NEMP2: variants seen among roughly 807,000 people sequenced by gnomAD.
NEMP2 encodes UPF0571 transmembrane protein.
A neutral mutation model predicts 54.2 loss-of-function variants in NEMP2; 53 were observed. The observed-to-expected ratio is 0.98, with a 90% CI of 0.78 to 1.23. NEMP2 has a LOEUF of 1.23. Among genes scored for constraint, NEMP2 ranks in the 50% most tolerant of loss-of-function variants. NEMP2 has a pLI of 0.00. For synonymous variants in NEMP2, 197 were observed against 190.3 expected (o/e 1.04, Z -0.29); for missense variants, 455 against 511.3 (o/e 0.89, Z 1.06).
At chr2:190,617,416 A>G in the NEMP2 span, among the ~76,000 whole-genome samples, 1 of 152,154 alleles carries the variant, frequency 6.6e-6, no homozygotes, top group East Asian at 1.9e-4. The surrounding 1 kb of genome is among the most constrained non-coding windows in gnomAD (Gnocchi z 5.0). Flanking sequence ...TGGATTTTAT[A>G]TTCTTCCTTT....
chr2:190,503,415 T>C (rs1231373231), downstream of NEMP2, among the ~76,000 whole-genome samples: 1 of 152,242 alleles, frequency 6.6e-6, no homozygotes, highest in East Asian at 1.9e-4. This position sits in a 1 kb window ranked among gnomAD's most constrained non-coding sequence, Gnocchi z 6.3. Flanking sequence ...TGGCTAATTT[T>C]CTGGGGAATT....
At chr2:190,498,934 G>A in the NEMP2 span, among the ~76,000 whole-genome samples, 1 of 152,038 alleles carries the variant, frequency 6.6e-6, no homozygotes, top group East Asian at 1.9e-4. This position sits in a 1 kb window ranked among gnomAD's most constrained non-coding sequence, Gnocchi z 5.9. Flanking sequence ...TGGATCACGA[G>A]GTCAGGAGTT....
In NEMP2 at chr2:190,531,048, T is replaced by C. The variant is rs1285229700; in HGVS notation, c.97+3511A>G. On this transcript the variant is annotated intron_variant, in intron 1 of 8. Transcript: ENST00000409150. This position sits in a 1 kb window ranked among gnomAD's most constrained non-coding sequence, Gnocchi z 4.7. ...ATCATAATTCAGTCTCAAAAATAAA[T>C]AAACATTTAAAAATTAGAACAAAAA... Among the ~76,000 whole-genome samples the C allele has an allele frequency of 6.6e-6, 1 of 152,162 alleles. No individual in the cohort carries two copies. Among genetic ancestry groups the C allele is most frequent in the Non-Finnish European group, 1.5e-5 (1 of 67,982 alleles).
chr2:190,475,867 T>C, the NEMP2 span, among the ~76,000 whole-genome samples: 1 of 151,986 alleles, frequency 6.6e-6, no homozygotes, highest in Non-Finnish European at 1.5e-5. Flanking sequence ...AACAGAGATA[T>C]AGACCAATGG....
the NEMP2 span, among the ~76,000 whole-genome samples, chr2:190,466,903 G>T: frequency 1.4e-4 from 22 of 152,186 alleles, no homozygotes; most frequent in African/African-American, 5.1e-4. Flanking sequence ...TCACTCCAGT[G>T]ACTGAATTCC....
chr2:190,618,581 CT>C, the NEMP2 span, among the ~76,000 whole-genome samples: 5 of 152,096 alleles, frequency 3.3e-5, no homozygotes, highest in African/African-American at 9.6e-5. Context: ...CATTATCTAC[CT>C]TTTTTTATTT....
At chr2:190,488,624 C>G in the NEMP2 span, 1 of 1,417,128 alleles carries the variant, frequency 7.1e-7, no homozygotes, top group Non-Finnish European at 9.3e-7. This position sits in a 1 kb window ranked among gnomAD's most constrained non-coding sequence, Gnocchi z 6.4. Flanking sequence ...AAATGCTAAC[C>G]AACTAATCCC....
At chr2:190,538,755 C>T (rs1691456773), upstream of NEMP2, among the ~76,000 whole-genome samples, 1 of 151,762 alleles carries the variant, frequency 6.6e-6, no homozygotes, top group East Asian at 1.9e-4. The surrounding 1 kb of genome is among the most constrained non-coding windows in gnomAD (Gnocchi z 4.1). Context: ...ATTTGTATGT[C>T]TTCTTTTGAG....
At chr2:190,480,588 C>T in the NEMP2 span, among the ~76,000 whole-genome samples, 8 of 152,240 alleles carry the variant, frequency 5.3e-5, no homozygotes, top group Non-Finnish European at 1.0e-4. Context: ...CCTCACCTCA[C>T]TCTATAAGTT....
chr2:190,641,195 T>C, the NEMP2 span: 2 of 152,224 alleles, frequency 1.3e-5, no homozygotes, highest in African/African-American at 4.8e-5. Context: ...AATAGTTATA[T>C]CTACTTTAGT....
At chr2:190,553,049 CTT>C in the NEMP2 span, among the ~76,000 whole-genome samples, 38 of 143,122 alleles carry the variant, frequency 2.7e-4, no homozygotes, top group East Asian at 2.6e-3. Context: ...ATAACAATTT[CTT>C]TTTTTTTTTT....
At chr2:190,562,096 G>T in the NEMP2 span, among the ~76,000 whole-genome samples, 14 of 152,164 alleles carry the variant, frequency 9.2e-5, no homozygotes, top group African/African-American at 3.1e-4. This position sits in a 1 kb window ranked among gnomAD's most constrained non-coding sequence, Gnocchi z 5.0. Context: ...TTTGATTTAG[G>T]ATGACCTGGA....
At chr2:190,457,801 C>T in the NEMP2 span, among the ~76,000 whole-genome samples, 6 of 152,212 alleles carry the variant, frequency 3.9e-5, no homozygotes, top group Non-Finnish European at 2.9e-5. This position sits in a 1 kb window ranked among gnomAD's most constrained non-coding sequence, Gnocchi z 5.1. Flanking sequence ...TCCACCTCAA[C>T]TATGCATGTG....
At chr2:190,432,566 G>GC in the NEMP2 span, among the ~76,000 whole-genome samples, 1 of 152,098 alleles carries the variant, frequency 6.6e-6, no homozygotes, top group Admixed American at 6.5e-5. Flanking sequence ...ACAGGCACCT[G>GC]CCACCATGCC....
At chr2:190,580,004 C>T in the NEMP2 span, among the ~76,000 whole-genome samples, 4 of 152,200 alleles carry the variant, frequency 2.6e-5, no homozygotes, top group Non-Finnish European at 4.4e-5. The surrounding 1 kb of genome is among the most constrained non-coding windows in gnomAD (Gnocchi z 5.3). Flanking sequence ...GACTTCTCAA[C>T]AGTCTTGTTG....
At chr2:190,636,288 CTG>C in the NEMP2 span, among the ~76,000 whole-genome samples, 1 of 152,180 alleles carries the variant, frequency 6.6e-6, no homozygotes, top group Admixed American at 6.5e-5. Flanking sequence ...GAAAAAAAAT[CTG>C]TGCAAATTTT....
At chr2:190,619,765 C>T in the NEMP2 span, among the ~76,000 whole-genome samples, 4 of 151,896 alleles carry the variant, frequency 2.6e-5, no homozygotes, top group African/African-American at 9.7e-5. This position sits in a 1 kb window ranked among gnomAD's most constrained non-coding sequence, Gnocchi z 5.5. Context: ...ACTTATTGGC[C>T]CCTAGACATT....
chr2:190,422,125 C>T, the NEMP2 span, among the ~76,000 whole-genome samples: 1 of 152,072 alleles, frequency 6.6e-6, no homozygotes. Context: ...TCTTTGTTTT[C>T]TTGTAGTGTT....
At chr2:190,537,365 C>G (rs1055520498), upstream of NEMP2, among the ~76,000 whole-genome samples, 8 of 152,098 alleles carry the variant, frequency 5.3e-5, no homozygotes, top group African/African-American at 1.9e-4. Flanking sequence ...TGGGAGGGAC[C>G]CAGTGGGAGG....
Sources: gnomAD v4.1 joint callset for allele counts (sites outside exome capture counted in the v4.1 genomes callset) on GRCh38, gnomAD v4.1.1 for gene constraint, Gnocchi (gnomAD v3.1) non-coding constraint, MANE v1.5 for transcripts, NCBI Gene and HGNC (gene_info 2026-07-23, HGNC 2026-07-21) for gene names.